The following PHF3 variants were observed in gnomAD, a reference collection of about 807,000 sequenced individuals.
PHF3 encodes PHD finger protein 3.
A neutral mutation model predicts 178.4 loss-of-function variants in PHF3; 41 were observed. The ratio of observed to expected loss-of-function variants is 0.23; its 90% CI spans 0.18 to 0.30. The LOEUF is 0.30. Ranked by LOEUF, PHF3 falls within the 10% of genes least tolerant of loss-of-function variation. The pLI, the probability that PHF3 is intolerant of heterozygous loss-of-function variation, is 1.00. For missense variants in PHF3, 2,346 were observed against 2,398.1 expected (o/e 0.98, Z 0.45); for synonymous variants, 842 against 800.5 (o/e 1.05, Z -0.88).
chr6:63,691,053 A>T (rs1273960094), intron 4 of PHF3, among the ~76,000 whole-genome samples: 1 of 152,148 alleles, frequency 6.6e-6, no homozygotes, highest in African/African-American at 2.4e-5. Context: ...TGGAAAAAGA[A>T]ATTTATCTAA....
chr6:63,691,637 T>G (rs562838887), intron 4 of PHF3, 100 bp from the exon 5 acceptor site: 3 of 1,021,214 alleles, frequency 2.9e-6, no homozygotes, highest in Non-Finnish European at 4.4e-6. Flanking sequence ...ATGCAAAGTT[T>G]CAGAAAATCA....
At chr6:63,640,587 C>T (rs1764530215) in intron 1 of PHF3, among the ~76,000 whole-genome samples, 1 of 152,182 alleles carries the variant, frequency 6.6e-6, no homozygotes, top group South Asian at 2.1e-4. Flanking sequence ...CACATTGACT[C>T]TTAAATGAAA....
Position 63,721,602 on chromosome 6 carries a change from G to A in PHF3, c.*7894G>A, listed in dbSNP as rs144513453. 1,337 of 1,551,440 alleles carry A rather than the reference G, an allele frequency of 8.6e-4. 8 individuals are homozygous for A. The African/African-American group carries it at 0.015, about 17-fold the overall frequency. On this transcript the variant is annotated 3_prime_UTR_variant, in exon 16 of 16. Transcript: ENST00000262043. ...ATTTGTGTCCAGAGAACTCATTTTA[G>A]TGGAGGCCTTTTCTGTTACATTTAT...
chr6:63,656,674 T>C (rs574895159), intron 2 of PHF3, among the ~76,000 whole-genome samples: 2 of 152,332 alleles, frequency 1.3e-5, no homozygotes, highest in African/African-American at 2.4e-5. Flanking sequence ...ATTAGAGCTG[T>C]TGTTTCCCTG....
At chr6:63,653,680 T>C (rs1765114983) in intron 2 of PHF3, among the ~76,000 whole-genome samples, 1 of 152,180 alleles carries the variant, frequency 6.6e-6, no homozygotes, top group Non-Finnish European at 1.5e-5. Flanking sequence ...GCCAGTACTG[T>C]GTCGAATGAA....
At position 63,680,142 on chromosome 6, in the gene PHF3, A is replaced by G. The variant is rs745768942; in HGVS notation, c.387A>G (p.Ser129=). The part of the protein sequence containing the change: ...EENSVRSPRK[S]PRLMAQEQVR... Reference sequence around the variant, plus strand: ...ATTCAGTGAGATCTCCAAGAAAATCACCTCGTTTAATGGCACAAGGTAATC... The same window carrying G: ...ATTCAGTGAGATCTCCAAGAAAATCGCCTCGTTTAATGGCACAAGGTAATC... Residue 129 remains serine, a synonymous_variant, in exon 3 of 16, where the codon TCA becomes TCG. Transcript: ENST00000262043. The G allele has an allele frequency of 1.2e-6, 2 of 1,608,138 alleles. No homozygotes were observed. Among genetic ancestry groups the G allele is most frequent in the South Asian group, 1.1e-5 (1 of 90,072 alleles).
intron 5 of PHF3, among the ~76,000 whole-genome samples, chr6:63,692,588 T>C (rs1264423063): frequency 1.3e-5 from 2 of 152,248 alleles, no homozygotes; most frequent in Non-Finnish European, 2.9e-5. Context: ...TAATTTGTTA[T>C]TCTTATAGAA....
chr6:63,638,320 A>G (rs1401760804), intron 1 of PHF3, among the ~76,000 whole-genome samples: 2 of 152,124 alleles, frequency 1.3e-5, no homozygotes, highest in African/African-American at 4.8e-5. Context: ...TTCATAGTAT[A>G]AGGCCTACTT....
rs1303394720 is a variant in PHF3, at chr6:63,685,876, G to A, written c.2154G>A (p.Lys718=). 8 of 1,612,902 alleles carry A rather than the reference G, an allele frequency of 5.0e-6. No individual in the cohort carries two copies. Among genetic ancestry groups the A allele is most frequent in the East Asian group, 4.5e-5 (2 of 44,896 alleles). ...GCAAATATATGTGGACTCCCAGCAA[G>A]CAGTGTGGGTTTTGCAAAAAACCAC... The part of the protein sequence containing the change: ...FESKYMWTPS[K]QCGFCKKPHG... Residue 718 remains lysine (K), a synonymous_variant, in exon 4 of 16, where the codon AAG becomes AAA. Coordinates refer to ENST00000262043, the MANE Select transcript of PHF3 (RefSeq NM_001370348.2).
At chr6:63,691,652 T>C (rs1042050453) in intron 4 of PHF3, 85 bp from the exon 5 acceptor site, 34 of 1,153,762 alleles carry the variant, frequency 2.9e-5, no homozygotes, top group African/African-American at 1.5e-4. Flanking sequence ...AAATCAGATA[T>C]TGAAAATTTA....
chr6:63,663,490 GCTGT>G (rs1247234032), intron 2 of PHF3, among the ~76,000 whole-genome samples: 1 of 152,052 alleles, frequency 6.6e-6, no homozygotes, highest in Middle Eastern at 3.2e-3. Flanking sequence ...AGCCTCCCTG[GCTGT>G]CCATTTCTCA....
chr6:63,686,781 C>T (rs1197039793), intron 4 of PHF3, among the ~76,000 whole-genome samples: 1 of 152,096 alleles, frequency 6.6e-6, no homozygotes, highest in Non-Finnish European at 1.5e-5. Flanking sequence ...TCTTCTTATC[C>T]TTATTCATGA....
At chr6:63,648,035 T>A (rs777652038) in intron 2 of PHF3, among the ~76,000 whole-genome samples, 7 of 152,192 alleles carry the variant, frequency 4.6e-5, no homozygotes, top group Non-Finnish European at 8.8e-5. Context: ...GGTCTGCTGT[T>A]GGCCCTTAAG....
intron 3 of PHF3, among the ~76,000 whole-genome samples, chr6:63,680,398 ATT>A (rs994238749): frequency 0.018 from 2,140 of 117,516 alleles, 42 homozygotes; most frequent in African/African-American, 0.059. Flanking sequence ...AGCTGGTTTA[ATT>A]TTTTTTTTTT....
At position 63,722,054 on chromosome 6, in the gene PHF3, G is replaced by GT. The variant is rs1394004479; in HGVS notation, c.*8347dup. Among the ~76,000 whole-genome samples, 1 of 152,124 alleles carries GT rather than the reference G, an allele frequency of 6.6e-6. No homozygotes were observed. Among genetic ancestry groups the GT allele is most frequent in the African/African-American group, 2.4e-5 (1 of 41,444 alleles). On this transcript the variant is annotated 3_prime_UTR_variant, in exon 16 of 16. Coordinates refer to ENST00000262043, the MANE Select transcript of PHF3 (RefSeq NM_001370348.2). Reference sequence around the variant, plus strand: ...CTCATTGAATGAATATATTGTGGTAGTAAGTTAAAGTGAGGTTTTTCTTCA... The same window carrying GT: ...CTCATTGAATGAATATATTGTGGTAGTTAAGTTAAAGTGAGGTTTTTCTTCA...
At chr6:63,651,122 T>C (rs1765002416) in intron 2 of PHF3, among the ~76,000 whole-genome samples, 1 of 152,202 alleles carries the variant, frequency 6.6e-6, no homozygotes, top group East Asian at 1.9e-4. Flanking sequence ...TTTTGACACA[T>C]AATTGTACGT....
intron 2 of PHF3, among the ~76,000 whole-genome samples, chr6:63,652,607 C>G (rs1483800939): frequency 6.6e-6 from 1 of 152,072 alleles, no homozygotes; most frequent in Non-Finnish European, 1.5e-5. Context: ...AAAATTTTTG[C>G]ACAGACCAAT....
At chr6:63,644,145 C>T (rs867443299) in intron 1 of PHF3, among the ~76,000 whole-genome samples, 3 of 152,024 alleles carry the variant, frequency 2.0e-5, no homozygotes, top group South Asian at 2.1e-4. Flanking sequence ...TTCAGTATAC[C>T]GTTTTTTGAA....
In PHF3 at chr6:63,677,529, C is replaced by G. The variant is rs543568024; in HGVS notation, c.245-2471C>G. Among the ~76,000 whole-genome samples, 185 of 152,230 alleles carry G rather than the reference C, an allele frequency of 1.2e-3. 1 individual carries two copies. The highest frequency in any genetic ancestry group is 6.8e-3 in the Middle Eastern group (2 of 294). On this transcript the variant is annotated intron_variant, in intron 2 of 15. Transcript: ENST00000262043. Reference sequence around the variant, plus strand: ...ATAATTGACCTTTGGATTTGGCTTGCGAAATCCTGTTGATTCTGCTTTGTA... The same window carrying G: ...ATAATTGACCTTTGGATTTGGCTTGGGAAATCCTGTTGATTCTGCTTTGTA...
Sources: allele counts gnomAD v4.1 joint callset (sites outside exome capture counted in the v4.1 genomes callset), GRCh38; gene constraint gnomAD v4.1.1; transcripts MANE v1.5; gene names NCBI Gene and HGNC (gene_info 2026-07-23, HGNC 2026-07-21).